LRRIQ3: variants seen among roughly 807,000 people sequenced by gnomAD.
LRRIQ3 encodes the protein leucine-rich repeat and IQ domain-containing protein 3.
Under a neutral mutation model 59.3 loss-of-function variants are expected in LRRIQ3, and 75 were observed. The observed-to-expected ratio is 1.26, with a 90% CI of 1.05 to 1.53. LRRIQ3 has a LOEUF of 1.53. Among genes scored for constraint, LRRIQ3 ranks in the 40% most tolerant of loss-of-function variants. The pLI, the probability that LRRIQ3 is intolerant of heterozygous loss-of-function variation, is 0.00. For synonymous variants in LRRIQ3, 250 were observed against 231.3 expected (o/e 1.08, Z -0.73); for missense variants, 831 against 710.0 (o/e 1.17, Z -1.94).
intron 4 of LRRIQ3, among the ~76,000 whole-genome samples, chr1:74,146,545 T>C (rs1425448580): frequency 6.6e-6 from 1 of 152,184 alleles, no homozygotes; most frequent in Non-Finnish European, 1.5e-5. Flanking sequence ...TAGTGCACAT[T>C]TGTATATAAT....
At chr1:74,159,978 A>C (rs971317201) in intron 3 of LRRIQ3, among the ~76,000 whole-genome samples, 2 of 151,948 alleles carry the variant, frequency 1.3e-5, no homozygotes, top group African/African-American at 4.8e-5. Flanking sequence ...CTTATACACT[A>C]TACCTGAACT....
chr1:74,170,176 G>C (rs900498364), intron 3 of LRRIQ3, among the ~76,000 whole-genome samples: 1 of 152,098 alleles, frequency 6.6e-6, no homozygotes, highest in Non-Finnish European at 1.5e-5. Flanking sequence ...CAGCTTTTTA[G>C]TTTGATGTAG....
At chr1:74,160,918 T>C (rs770141262) in intron 3 of LRRIQ3, among the ~76,000 whole-genome samples, 7 of 152,116 alleles carry the variant, frequency 4.6e-5, no homozygotes, top group African/African-American at 7.2e-5. Flanking sequence ...TATAATATTT[T>C]TCAGGAAGAA....
chr1:74,182,702 T>G lies in LRRIQ3; in HGVS notation c.409A>C (p.Lys137Gln), dbSNP rs1480946588. ...ACAAGAACATGTCTATATCCTTTTT[T>G]AAGGCTTACTGGACAATCAAACATA... The part of the protein sequence containing the change: ...LTMFDCPVSL[K>Q]KGYRHVLVNS... The change falls in exon 3 of 8, where the codon AAA becomes CAA. Residue 137 changes from lysine to glutamine, a missense_variant. By Grantham distance (53) the Lys-to-Gln change is moderately conservative. Transcript: ENST00000354431. The G allele has an allele frequency of 1.4e-5, 22 of 1,612,598 alleles. No individual in the cohort carries two copies. Among genetic ancestry groups the G allele is most frequent in the Non-Finnish European group, 1.9e-5 (22 of 1,179,034 alleles).
At chr1:74,086,935 C>T (rs1032305498) in intron 5 of LRRIQ3, among the ~76,000 whole-genome samples, 20 of 152,218 alleles carry the variant, frequency 1.3e-4, no homozygotes, top group Middle Eastern at 3.4e-3. Flanking sequence ...TGTAACATTT[C>T]ACCACCTACA....
chr1:74,120,174 G>A (rs1430681043), intron 4 of LRRIQ3, among the ~76,000 whole-genome samples: 1 of 151,222 alleles, frequency 6.6e-6, no homozygotes, highest in Non-Finnish European at 1.5e-5. Context: ...CTGGAGTACA[G>A]TGGCGTGATC....
In LRRIQ3 at chr1:74,198,054, A is replaced by C; in HGVS notation, c.-59T>G. 1 of 915,378 alleles carries C rather than the reference A, an allele frequency of 1.1e-6. No individual in the cohort carries two copies. The highest frequency in any genetic ancestry group is 2.7e-5 in the East Asian group (1 of 37,036). The allele number at this position is 915,378 out of a possible 1,614,324, so 56.7% of individuals were successfully genotyped here. Reference sequence around the variant, plus strand: ...GAGACAAGTGGCCCAGCCCCAACACAGTCAGACAAATCGCTGGGCGGCCAT... The same window carrying C: ...GAGACAAGTGGCCCAGCCCCAACACCGTCAGACAAATCGCTGGGCGGCCAT... On this transcript the variant is annotated 5_prime_UTR_variant, in exon 1 of 8. Coordinates refer to ENST00000354431, the MANE Select transcript of LRRIQ3 (RefSeq NM_001105659.2).
intron 6 of LRRIQ3, among the ~76,000 whole-genome samples, chr1:74,071,712 A>G (rs1282964883): frequency 6.6e-6 from 1 of 152,126 alleles, no homozygotes; most frequent in Non-Finnish European, 1.5e-5. Flanking sequence ...AAAGGCACAT[A>G]TGTTTTGTAT....
At chr1:74,165,355 A>C (rs768750164) in intron 3 of LRRIQ3, among the ~76,000 whole-genome samples, 21 of 151,562 alleles carry the variant, frequency 1.4e-4, no homozygotes, top group Non-Finnish European at 2.5e-4. Flanking sequence ...ATTTCTTTGA[A>C]TGATGATAAA....
chr1:74,175,434 G>A (rs572794855), intron 3 of LRRIQ3, among the ~76,000 whole-genome samples: 1 of 152,114 alleles, frequency 6.6e-6, no homozygotes, highest in South Asian at 2.1e-4. Context: ...CACTTCTCAG[G>A]CAACACCCTG....
intron 4 of LRRIQ3, among the ~76,000 whole-genome samples, chr1:74,113,926 A>G (rs572101387): frequency 3.2e-4 from 49 of 151,686 alleles, no homozygotes; most frequent in Middle Eastern, 3.2e-3. Flanking sequence ...GTAATTATAT[A>G]AACATATATA....
intron 6 of LRRIQ3, among the ~76,000 whole-genome samples, chr1:74,060,835 G>A (rs80004716): frequency 0.021 from 3,175 of 152,210 alleles, 110 homozygotes; most frequent in African/African-American, 0.072. Context: ...AGGAAACACT[G>A]CTAGGTTGAA....
intron 4 of LRRIQ3, among the ~76,000 whole-genome samples, chr1:74,150,089 C>T (rs1647833838): frequency 1.3e-5 from 2 of 152,140 alleles, no homozygotes; most frequent in South Asian, 2.1e-4. Flanking sequence ...AGGAGATGTG[C>T]CCCTTTCTGC....
At chr1:74,118,903 T>C (rs1319807397) in intron 4 of LRRIQ3, among the ~76,000 whole-genome samples, 2 of 152,090 alleles carry the variant, frequency 1.3e-5, no homozygotes, top group Non-Finnish European at 2.9e-5. Flanking sequence ...TCTTGGTCTT[T>C]GTATTTGAGA....
At chr1:74,127,149 T>C (rs898134330) in intron 4 of LRRIQ3, among the ~76,000 whole-genome samples, 21 of 151,964 alleles carry the variant, frequency 1.4e-4, no homozygotes, top group African/African-American at 1.2e-4. Flanking sequence ...AAATGTATCA[T>C]GTCTGGTATA....
At chr1:74,137,035 T>C (rs200726566) in intron 4 of LRRIQ3, among the ~76,000 whole-genome samples, 7 of 152,080 alleles carry the variant, frequency 4.6e-5, no homozygotes, top group East Asian at 3.9e-4. Flanking sequence ...GCATTCATGA[T>C]TGCTTTTGTT....
At chr1:74,154,023 C>G (rs1198922908) in intron 4 of LRRIQ3, among the ~76,000 whole-genome samples, 5 of 151,732 alleles carry the variant, frequency 3.3e-5, no homozygotes, top group Non-Finnish European at 7.4e-5. Context: ...GTGCGGATCA[C>G]GAGGTCAGGA....
intron 4 of LRRIQ3, among the ~76,000 whole-genome samples, chr1:74,111,653 G>A (rs963307683): frequency 1.3e-5 from 2 of 151,854 alleles, no homozygotes; most frequent in Admixed American, 6.6e-5. Flanking sequence ...TTGTCCAAAG[G>A]GCATACAGCA....
intron 3 of LRRIQ3, among the ~76,000 whole-genome samples, chr1:74,159,860 G>A (rs1025517462): frequency 1.3e-5 from 2 of 151,892 alleles, no homozygotes; most frequent in Admixed American, 6.6e-5. Flanking sequence ...TCATAAAAAC[G>A]ATTCTTCGTC....
Sources: allele counts gnomAD v4.1 joint callset (sites outside exome capture counted in the v4.1 genomes callset), GRCh38; gene constraint gnomAD v4.1.1; transcripts MANE v1.5; gene names NCBI Gene and HGNC (gene_info 2026-07-23, HGNC 2026-07-21).